The following CYYR1 variants were observed in gnomAD, a reference collection of about 807,000 sequenced individuals.
CYYR1 encodes cysteine and tyrosine-rich protein 1.
CYYR1 carries 14 observed loss-of-function variants against 15.2 expected under a neutral mutation model. The ratio of observed to expected loss-of-function variants is 0.92; its 90% CI spans 0.61 to 1.44. The LOEUF (loss-of-function observed/expected upper bound fraction) is 1.44. Among genes scored for constraint, CYYR1 ranks in the 40% most tolerant of loss-of-function variants. The pLI is 0.00. For synonymous variants in CYYR1, 80 were observed against 77.4 expected, an observed-to-expected ratio of 1.03 and a Z score of -0.18; for missense variants, 228 against 209.5, an observed-to-expected ratio of 1.09 and a Z score of -0.54.
intron 2 of CYYR1, among the ~76,000 whole-genome samples, chr21:26,499,960 A>G (rs370341952): frequency 1.1e-3 from 166 of 151,892 alleles, no homozygotes; most frequent in South Asian, 3.5e-3. Context: ...TTGGGCTGCT[A>G]TGACAAATAC....
chr21:26,545,207 T>C (rs2123663330), intron 2 of CYYR1, among the ~76,000 whole-genome samples: 1 of 152,320 alleles, frequency 6.6e-6, no homozygotes, highest in Admixed American at 6.5e-5. Flanking sequence ...AACTATCTTA[T>C]TTTTAAGGTT....
At chr21:26,542,810 T>C (rs1022361643) in intron 2 of CYYR1, among the ~76,000 whole-genome samples, 4 of 152,180 alleles carry the variant, frequency 2.6e-5, no homozygotes, top group Admixed American at 6.5e-5. Context: ...CTAACACCAA[T>C]TGTATTTTCA....
At chr21:26,561,355 G>A (rs553530423) in intron 2 of CYYR1, among the ~76,000 whole-genome samples, 9 of 149,468 alleles carry the variant, frequency 6.0e-5, no homozygotes, top group South Asian at 4.2e-4. Flanking sequence ...TTTTAAATGC[G>A]TTACGTTTGT....
intron 2 of CYYR1, among the ~76,000 whole-genome samples, chr21:26,525,280 A>G (rs2065849583): frequency 6.6e-6 from 1 of 151,854 alleles, no homozygotes; most frequent in Non-Finnish European, 1.5e-5. Context: ...GTCTTTAAGA[A>G]TATTAAAAAA....
chr21:26,517,423 GTCTA>G (rs1034884517), intron 2 of CYYR1, among the ~76,000 whole-genome samples: 1 of 152,076 alleles, frequency 6.6e-6, no homozygotes, highest in Admixed American at 6.6e-5. Flanking sequence ...AAACTTATTT[GTCTA>G]TCTAGCTATA....
intron 2 of CYYR1, among the ~76,000 whole-genome samples, chr21:26,552,316 C>T (rs1979451596): frequency 6.6e-6 from 1 of 152,054 alleles, no homozygotes; most frequent in African/African-American, 2.4e-5. Context: ...TCAGCCACTC[C>T]AGCTTTCTTT....
At chr21:26,471,939 G>A (rs147137611) in intron 3 of CYYR1, among the ~76,000 whole-genome samples, 1 of 152,112 alleles carries the variant, frequency 6.6e-6, no homozygotes, top group African/African-American at 2.4e-5. Flanking sequence ...ATTCGGAGAA[G>A]AAATGTAATG....
chr21:26,493,322 G>T (rs2065352746), intron 2 of CYYR1, among the ~76,000 whole-genome samples: 1 of 152,156 alleles, frequency 6.6e-6, no homozygotes. Context: ...ATGGAGAGTG[G>T]ATTTGATGGG....
At chr21:26,469,387 G>A (rs1461234589) in intron 3 of CYYR1, among the ~76,000 whole-genome samples, 1 of 151,892 alleles carries the variant, frequency 6.6e-6, no homozygotes, top group African/African-American at 2.4e-5. Flanking sequence ...AGGAAATGAA[G>A]ATGAAACATT....
intron 2 of CYYR1, among the ~76,000 whole-genome samples, chr21:26,558,170 T>G (rs186365348): frequency 1.1e-4 from 17 of 152,310 alleles, no homozygotes; most frequent in African/African-American, 4.1e-4. Context: ...CTACCAAGTC[T>G]GAATCGGCAT....
intron 2 of CYYR1, among the ~76,000 whole-genome samples, chr21:26,488,904 TA>T (rs903598919): frequency 9.9e-5 from 15 of 152,126 alleles, no homozygotes; most frequent in Admixed American, 3.3e-4. Context: ...CAAACTAGTT[TA>T]AAAAAAATTA....
At chr21:26,566,673 C>T (rs1011119167) in intron 1 of CYYR1, among the ~76,000 whole-genome samples, 1 of 152,106 alleles carries the variant, frequency 6.6e-6, no homozygotes, top group African/African-American at 2.4e-5. Flanking sequence ...ACTACTCAGT[C>T]GCTGGATTTG....
chr21:26,563,888 T>G (rs1335372633), intron 2 of CYYR1, among the ~76,000 whole-genome samples: 2 of 152,206 alleles, frequency 1.3e-5, no homozygotes, highest in Non-Finnish European at 2.9e-5. Context: ...CATTTTTATT[T>G]TAAAAACAAA....
At chr21:26,501,331 G>A (rs986201990) in intron 2 of CYYR1, among the ~76,000 whole-genome samples, 8 of 152,124 alleles carry the variant, frequency 5.3e-5, no homozygotes, top group African/African-American at 1.4e-4. Flanking sequence ...GTGAGACTTC[G>A]TCTAAATAAA....
At chr21:26,510,884 A>G (rs953183879) in intron 2 of CYYR1, among the ~76,000 whole-genome samples, 3 of 152,190 alleles carry the variant, frequency 2.0e-5, no homozygotes, top group East Asian at 3.8e-4. Flanking sequence ...ACAAATCTAA[A>G]CTTTTAAATA....
Position 26,499,836 on chromosome 21 carries a change from G to GT in CYYR1, c.177-19408dup, listed in dbSNP as rs201220917. ...GGAGCAATGAACAGAACACATTTTT[G>GT]TTTTTTTTTTTTTTTTCAGAGAAGG... is the stretch of plus-strand genomic sequence containing the variant. On this transcript the variant is annotated intron_variant, in intron 2 of 3. Coordinates refer to ENST00000652641, the MANE Select transcript of CYYR1 (RefSeq NM_001320768.2). 6.5e-3 allele frequency among the ~76,000 whole-genome samples: 903 copies of GT among 137,916 alleles called. 6 individuals carry two copies. The highest frequency in any genetic ancestry group is 0.017 in the South Asian group (70 of 4,036). The allele number at this position is 137,916 out of a possible 152,430, so 90.5% of individuals were successfully genotyped here. A position where few individuals can be genotyped will look rare whatever the true frequency, so the allele number is the denominator to read the frequency against.
rs1981115204 is a variant in CYYR1 at position 26,573,036 on chromosome 21, C to T, written c.-96G>A. 13 of 1,601,716 alleles carry T rather than the reference C, an allele frequency of 8.1e-6. No homozygotes were observed. The highest frequency in any genetic ancestry group is 1.1e-5 in the Non-Finnish European group (13 of 1,174,568). On this transcript the variant is annotated 5_prime_UTR_variant, in exon 1 of 4. Transcript: ENST00000652641. ...CGATCAGATGGAGAGAGCAGCGCTC[C>T]TGAGAGCCGGGTGGAGCAGAGACCC...
At chr21:26,489,800 T>C (rs181349308) in intron 2 of CYYR1, among the ~76,000 whole-genome samples, 192 of 152,280 alleles carry the variant, frequency 1.3e-3, no homozygotes, top group African/African-American at 4.5e-3. Context: ...AAAGCAGTAT[T>C]GACTCAGTAG....
intron 1 of CYYR1, among the ~76,000 whole-genome samples, chr21:26,567,139 C>T (rs896886757): frequency 6.7e-6 from 1 of 150,196 alleles, no homozygotes; most frequent in Non-Finnish European, 1.5e-5. Context: ...TATATTTTTC[C>T]ATGATAGTGC....
Sources: gnomAD v4.1 joint callset for allele counts (sites outside exome capture counted in the v4.1 genomes callset) on GRCh38, gnomAD v4.1.1 for gene constraint, MANE v1.5 for transcripts, NCBI Gene and HGNC (gene_info 2026-07-23, HGNC 2026-07-21) for gene names.